ROPN1L: variants seen among roughly 807,000 people sequenced by gnomAD.
ROPN1L encodes ropporin-1-like protein.
A neutral mutation model predicts 22.7 loss-of-function variants in ROPN1L; 23 were observed. The observed-to-expected ratio is 1.01, with a 90% CI of 0.73 to 1.43. The LOEUF (loss-of-function observed/expected upper bound fraction) is 1.43, where lower values mean the gene tolerates loss of function less well. Among genes scored for constraint, ROPN1L ranks in the 40% most tolerant of loss-of-function variants. ROPN1L has a pLI of 0.00. For missense variants in ROPN1L, 271 were observed against 291.5 expected (o/e 0.93, Z 0.51); for synonymous variants, 116 against 117.8 (o/e 0.98, Z 0.10).
downstream of ROPN1L, among the ~76,000 whole-genome samples, chr5:10,473,828 C>T (rs143544835): frequency 1.3e-3 from 199 of 152,162 alleles, 1 homozygote; most frequent in African/African-American, 4.6e-3. Flanking sequence ...AGAGAGAGTT[C>T]TAGAATGGAG....
intron 3 of ROPN1L, among the ~76,000 whole-genome samples, chr5:10,458,488 G>A (rs75645999): frequency 4.2e-3 from 155 of 37,328 alleles, no homozygotes; most frequent in African/African-American, 0.018. Context: ...ACACCATCCC[G>A]CTGTGTACAC....
intron 3 of ROPN1L, among the ~76,000 whole-genome samples, chr5:10,459,087 A>G (rs1216247362): frequency 6.6e-6 from 1 of 151,008 alleles, no homozygotes; most frequent in Non-Finnish European, 1.5e-5. Context: ...CAGACATGTC[A>G]GTGGAAGCCA....
At chr5:10,468,211 T>G (rs541029898), downstream of ROPN1L, among the ~76,000 whole-genome samples, 315 of 152,322 alleles carry the variant, frequency 2.1e-3, no homozygotes, top group Non-Finnish European at 3.2e-3. Context: ...CCATCATGGG[T>G]GGAAGATGAG....
At chr5:10,447,445 G>T (rs922897981) in intron 1 of ROPN1L, among the ~76,000 whole-genome samples, 3 of 152,220 alleles carry the variant, frequency 2.0e-5, no homozygotes, top group Non-Finnish European at 2.9e-5. Context: ...GTGGGGGGAT[G>T]GGAGCCAGGC....
downstream of ROPN1L, among the ~76,000 whole-genome samples, chr5:10,476,354 AT>A (rs1185189920): frequency 1.3e-5 from 2 of 152,258 alleles, no homozygotes; most frequent in Non-Finnish European, 2.9e-5. Context: ...GTGCCTCATC[AT>A]TCTGCTTTTG....
At chr5:10,471,263 G>A (rs543675952) in intron 4 of ROPN1L, among the ~76,000 whole-genome samples, 20 of 151,940 alleles carry the variant, frequency 1.3e-4, no homozygotes, top group African/African-American at 4.3e-4. Context: ...TCAGCTTCCC[G>A]AGTAGCTGGT....
In ROPN1L at chr5:10,441,961, T is replaced by G; in HGVS notation, c.-207T>G. On this transcript the variant is annotated 5_prime_UTR_variant, in exon 1 of 5. Transcript: ENST00000274134. ...TGCAGGGTCTAGGGTGTTGTCGGAG[T>G]GGCAGTTGGTCCGAATTTCTCCCGA... 1.7e-6 allele frequency: 1 copy of G among 584,328 alleles called. No homozygotes were observed. The allele number at this position is 584,328 out of a possible 1,614,324, so 36.2% of individuals were successfully genotyped here.
chr5:10,442,324 G>C (rs577176567), intron 1 of ROPN1L, 26 bp downstream of exon 1: 2 of 1,610,468 alleles, frequency 1.2e-6, no homozygotes, highest in Admixed American at 1.7e-5. Context: ...CCGGGGAGCT[G>C]TCCGGTCTAC....
intron 3 of ROPN1L, 139 bp from the exon 4 acceptor site, chr5:10,461,045 C>G: frequency 1.5e-6 from 1 of 681,346 alleles, no homozygotes; most frequent in Non-Finnish European, 2.3e-6. Flanking sequence ...TCACCTAGTT[C>G]TCAGTTCAGA....
At chr5:10,454,707 G>T (rs923149676) in intron 3 of ROPN1L, among the ~76,000 whole-genome samples, 1 of 152,188 alleles carries the variant, frequency 6.6e-6, no homozygotes, top group Non-Finnish European at 1.5e-5. Context: ...CGTGTCTAAC[G>T]CAGTTTTCCA....
intron 1 of ROPN1L, among the ~76,000 whole-genome samples, chr5:10,444,947 A>G (rs1167028909): frequency 1.3e-5 from 2 of 152,070 alleles, no homozygotes; most frequent in African/African-American, 2.4e-5. Flanking sequence ...TTCCGAATGT[A>G]CCATGCTACT....
At position 10,459,702 on chromosome 5, in the gene ROPN1L, G is replaced by A. The variant is rs899849437; in HGVS notation, c.418-1482G>A. Among the ~76,000 whole-genome samples, 3 of 152,260 alleles carry A rather than the reference G, an allele frequency of 2.0e-5. No homozygotes were observed. In the East Asian group the frequency reaches 5.8e-4, roughly 29 times the overall value. On this transcript the variant is annotated intron_variant, in intron 3 of 4. Transcript: ENST00000274134. ...CTGGGTCTGTGCTTACATGCTCCCTGCTCTGACCGTCCCTGACCACCCGAT... is the reference window on the plus strand; with the variant it reads ...CTGGGTCTGTGCTTACATGCTCCCTACTCTGACCGTCCCTGACCACCCGAT...
chr5:10,442,062 C>T lies in ROPN1L; in HGVS notation c.-106C>T, dbSNP rs1399443614. On this transcript the variant is annotated 5_prime_UTR_variant, in exon 1 of 5. Coordinates refer to ENST00000274134, the MANE Select transcript of ROPN1L (RefSeq NM_031916.5). ...GAACGGGATGGGAGGCGGCCCTGGC[C>T]GCAAGCCCCGCGCTGCTAGCGGGTC... is the stretch of plus-strand genomic sequence containing the variant. 42 of 1,492,396 alleles carry T rather than the reference C, an allele frequency of 2.8e-5. No individual in the cohort carries two copies. The highest frequency in any genetic ancestry group is 3.7e-5 in the Non-Finnish European group (41 of 1,100,228). The allele number at this position is 1,492,396 out of a possible 1,614,324, so 92.4% of individuals were successfully genotyped here.
chr5:10,460,588 CG>C (rs1239486141), intron 3 of ROPN1L, among the ~76,000 whole-genome samples: 2 of 152,206 alleles, frequency 1.3e-5, no homozygotes, highest in African/African-American at 4.8e-5. Context: ...GGGAGATGAA[CG>C]GTCTCAGGGA....
At chr5:10,461,740 C>A (rs892580372) in intron 4 of ROPN1L, among the ~76,000 whole-genome samples, 7 of 152,198 alleles carry the variant, frequency 4.6e-5, no homozygotes, top group Non-Finnish European at 1.0e-4. Context: ...TTCCCACAAC[C>A]CCTCCTTGGG....
intron 2 of ROPN1L, among the ~76,000 whole-genome samples, 168 bp downstream of exon 2, chr5:10,448,551 A>C (rs1300325489): frequency 1.3e-5 from 2 of 152,240 alleles, no homozygotes; most frequent in Non-Finnish European, 2.9e-5. Context: ...TGATTCAAGG[A>C]AGAAATATGT....
chr5:10,452,963 A>G (rs1050608483), intron 3 of ROPN1L, among the ~76,000 whole-genome samples: 4 of 152,190 alleles, frequency 2.6e-5, no homozygotes, highest in African/African-American at 7.2e-5. Flanking sequence ...AACAGCACAC[A>G]TTCTTTTGGG....
At chr5:10,473,678 C>T (rs771168974), downstream of ROPN1L, among the ~76,000 whole-genome samples, 1 of 152,164 alleles carries the variant, frequency 6.6e-6, no homozygotes, top group East Asian at 1.9e-4. Context: ...AGAAATGGGA[C>T]AGAGCCCTGA....
downstream of ROPN1L, among the ~76,000 whole-genome samples, chr5:10,466,401 A>G (rs1735154860): frequency 6.6e-6 from 1 of 152,158 alleles, no homozygotes; most frequent in Non-Finnish European, 1.5e-5. Flanking sequence ...ACGTTTACCA[A>G]GAGAATCTCA....
Sources: gnomAD v4.1 joint callset for allele counts (sites outside exome capture counted in the v4.1 genomes callset) on GRCh38, gnomAD v4.1.1 for gene constraint, MANE v1.5 for transcripts, NCBI Gene and HGNC (gene_info 2026-07-23, HGNC 2026-07-21) for gene names.